LPP: variants seen among roughly 807,000 people sequenced by gnomAD.
LPP encodes LIM domain containing preferred translocation partner in lipoma, also known as lipoma-preferred partner.
A neutral mutation model predicts 60.4 loss-of-function variants in LPP; 38 were observed. The ratio of observed to expected loss-of-function variants is 0.63; its 90% confidence interval spans 0.49 to 0.83. LPP has a LOEUF of 0.83. Among genes scored for constraint, LPP ranks in the 40% least tolerant of loss-of-function variants. The probability of loss-of-function intolerance (pLI) is 0.00; values close to 1 mark genes in which losing one functional copy is unlikely to be tolerated. For missense variants in LPP, 902 were observed against 783.6 expected (o/e 1.15, Z -1.80); for synonymous variants, 328 against 290.8 (o/e 1.13, Z -1.30).
intron 7 of LPP, among the ~76,000 whole-genome samples, chr3:188,683,873 C>G (rs1387381874): frequency 6.6e-6 from 1 of 152,170 alleles, no homozygotes; most frequent in African/African-American, 2.4e-5. Context: ...ATTATGCATA[C>G]AATTTACACG....
At chr3:188,763,835 C>G (rs1304052434) in intron 9 of LPP, among the ~76,000 whole-genome samples, 1 of 151,872 alleles carries the variant, frequency 6.6e-6, no homozygotes, top group African/African-American at 2.4e-5. Flanking sequence ...GAATTACATC[C>G]TTAGCATAAA....
chr3:188,657,259 T>TATATATATATATATATATATATAC (rs1853453098), intron 7 of LPP, among the ~76,000 whole-genome samples: 2 of 6,266 alleles, frequency 3.2e-4, no homozygotes, highest in South Asian at 3.9e-3. Flanking sequence ...TGTCAAGGTG[T>TATATATATATATATATATATATAC]ATATATATAT....
At chr3:188,867,664 A>T (rs1174708149) in intron 10 of LPP, among the ~76,000 whole-genome samples, 2 of 152,092 alleles carry the variant, frequency 1.3e-5, no homozygotes, top group African/African-American at 2.4e-5. Context: ...TTATATTTTT[A>T]AGAACTGTAC....
chr3:188,717,462 G>T (rs1398859738), intron 8 of LPP, among the ~76,000 whole-genome samples: 1 of 152,150 alleles, frequency 6.6e-6, no homozygotes, highest in Non-Finnish European at 1.5e-5. Context: ...TACCTTTAGT[G>T]GATCTTGTTT....
At chr3:188,479,393 C>T (rs1560457032) in intron 4 of LPP, among the ~76,000 whole-genome samples, 1 of 152,244 alleles carries the variant, frequency 6.6e-6, no homozygotes, top group East Asian at 1.9e-4. Context: ...AATGCAGAAT[C>T]TCTGGCTCCA....
At chr3:188,310,010 C>T (rs1336049985) in intron 2 of LPP, among the ~76,000 whole-genome samples, 2 of 151,964 alleles carry the variant, frequency 1.3e-5, no homozygotes, top group Non-Finnish European at 2.9e-5. Context: ...ATAACAGAAT[C>T]TTTCACACAG....
chr3:188,196,388 C>G (rs1175872485), intron 1 of LPP, among the ~76,000 whole-genome samples: 1 of 152,172 alleles, frequency 6.6e-6, no homozygotes, highest in Non-Finnish European at 1.5e-5. Flanking sequence ...GAAACTGGGA[C>G]TCATTCCGGA....
rs138198477 is a variant in LPP at position 188,179,562 on chromosome 3, C to G, written c.-190+25310C>G. The G allele has an allele frequency of 7.6e-4, 343 of 450,840 alleles. 3 individuals are homozygous for G. The highest frequency in any genetic ancestry group is 6.2e-3 in the African/African-American group (310 of 49,970). 27.9% of individuals were successfully genotyped at this position (450,840 alleles called of 1,614,324 possible). A position where few individuals can be genotyped will look rare whatever the true frequency, so the allele number is the denominator to read the frequency against. On this transcript the variant is annotated intron_variant, in intron 1 of 11. Transcript: ENST00000617246. ...GTGCTCTCATATTTCCATTTAAAGC[C>G]CTCTCGAGAGGTCTGTCTCCTGCCA...
At chr3:188,693,404 C>G (rs2149493005) in intron 7 of LPP, among the ~76,000 whole-genome samples, 1 of 152,272 alleles carries the variant, frequency 6.6e-6, no homozygotes, top group South Asian at 2.1e-4. Flanking sequence ...AACCACCAGG[C>G]TTTGCATAAG....
At chr3:188,240,065 T>C (rs566346376) in intron 2 of LPP, 3 of 197,824 alleles carry the variant, frequency 1.5e-5, no homozygotes, top group East Asian at 7.8e-5. Flanking sequence ...AGATCTCTGG[T>C]ATTGCTGTCC....
chr3:188,326,577 C>T (rs568033172), intron 2 of LPP, among the ~76,000 whole-genome samples: 3 of 152,148 alleles, frequency 2.0e-5, no homozygotes, highest in South Asian at 4.1e-4. Flanking sequence ...TCCACAGTTA[C>T]GAGTCTTATC....
chr3:188,303,833 A>G (rs1750697872), intron 2 of LPP, among the ~76,000 whole-genome samples: 2 of 152,222 alleles, frequency 1.3e-5, no homozygotes, highest in Non-Finnish European at 2.9e-5. Flanking sequence ...AATTTACAAA[A>G]TAAATATTTG....
At chr3:188,760,439 T>TGTGTGTGCAC (rs55988915) in intron 9 of LPP, among the ~76,000 whole-genome samples, 157 bp downstream of exon 9, 68 of 150,042 alleles carry the variant, frequency 4.5e-4, no homozygotes, top group African/African-American at 1.6e-3. Context: ...TGTGTGTGCG[T>TGTGTGTGCAC]GCGCGCATGT....
At chr3:188,516,080 GA>G (rs1277438113) in intron 5 of LPP, among the ~76,000 whole-genome samples, 1 of 152,170 alleles carries the variant, frequency 6.6e-6, no homozygotes, top group Non-Finnish European at 1.5e-5. Flanking sequence ...TGGTGTCATG[GA>G]AAATTAGACA....
At chr3:188,414,988 A>G (rs1785817874) in intron 4 of LPP, among the ~76,000 whole-genome samples, 3 of 152,140 alleles carry the variant, frequency 2.0e-5, no homozygotes, top group African/African-American at 7.2e-5. Flanking sequence ...GTTGACAGAA[A>G]TCTCTTTTAT....
At chr3:188,813,215 C>A (rs114501170) in intron 9 of LPP, among the ~76,000 whole-genome samples, 1 of 152,184 alleles carries the variant, frequency 6.6e-6, no homozygotes, top group Non-Finnish European at 1.5e-5. Flanking sequence ...TATGAATGAA[C>A]CTACTGGACT....
chr3:188,735,536 C>T (rs992159569), intron 8 of LPP, among the ~76,000 whole-genome samples: 8 of 151,814 alleles, frequency 5.3e-5, no homozygotes, highest in Non-Finnish European at 1.0e-4. Flanking sequence ...AGCCTGCCAC[C>T]GTGCCCGGCT....
intron 8 of LPP, among the ~76,000 whole-genome samples, chr3:188,739,674 C>T (rs1723739909): frequency 6.6e-6 from 1 of 151,974 alleles, no homozygotes; most frequent in African/African-American, 2.4e-5. Context: ...GAGTTAGTTA[C>T]TCCAAAAATA....
intron 9 of LPP, among the ~76,000 whole-genome samples, chr3:188,769,068 A>G (rs569631202): frequency 1.8e-4 from 28 of 152,348 alleles, no homozygotes; most frequent in African/African-American, 6.7e-4. Flanking sequence ...TTTAGAATAT[A>G]TAACAGAAAA....
Sources: gnomAD v4.1 joint callset for allele counts (sites outside exome capture counted in the v4.1 genomes callset) on GRCh38, gnomAD v4.1.1 for gene constraint, MANE v1.5 for transcripts, NCBI Gene and HGNC (gene_info 2026-07-23, HGNC 2026-07-21) for gene names.